TET2: variants seen among roughly 807,000 people sequenced by gnomAD.
The protein encoded by TET2 is tet methylcytosine dioxygenase 2.
Under a neutral mutation model 142.9 loss-of-function variants are expected in TET2, and 299 were observed. The observed-to-expected ratio is 2.09, with a 90% CI of 1.90 to 2.30. The LOEUF is 2.30. Among genes scored for constraint, TET2 ranks in the 30% most tolerant of loss-of-function variants. TET2 has a pLI of 0.00. For synonymous variants in TET2, 819 were observed against 849.0 expected (o/e 0.96, Z 0.61); for missense variants, 2,418 against 2,378.0 (o/e 1.02, Z -0.35).
intron 2 of TET2, among the ~76,000 whole-genome samples, chr4:105,201,060 T>G (rs1258083663): frequency 6.6e-6 from 1 of 152,206 alleles, no homozygotes; most frequent in Non-Finnish European, 1.5e-5. Flanking sequence ...CTTGAGATTA[T>G]TACATCTTGA....
intron 2 of TET2, among the ~76,000 whole-genome samples, chr4:105,217,337 T>G (rs1727556786): frequency 6.6e-6 from 1 of 152,096 alleles, no homozygotes; most frequent in Non-Finnish European, 1.5e-5. Flanking sequence ...CTTGCATAGG[T>G]ATGTGTCCTT....
chr4:105,217,193 T>C (rs1226151939), intron 2 of TET2, among the ~76,000 whole-genome samples: 1 of 151,928 alleles, frequency 6.6e-6, no homozygotes, highest in Admixed American at 6.6e-5. Flanking sequence ...TCTGTTTAGC[T>C]CATGGTGAAA....
chr4:105,184,304 A>G (rs1725295906), intron 1 of TET2, among the ~76,000 whole-genome samples: 1 of 152,340 alleles, frequency 6.6e-6, no homozygotes, highest in South Asian at 2.1e-4. Context: ...TTGTGAATTT[A>G]TACCTGTACC....
At chr4:105,176,170 A>G (rs181681239) in intron 1 of TET2, among the ~76,000 whole-genome samples, 6 of 152,314 alleles carry the variant, frequency 3.9e-5, no homozygotes, top group East Asian at 1.9e-4. Flanking sequence ...AAAATACACA[A>G]AAAACCTACA....
At chr4:105,232,866 A>G (rs544952501) in intron 2 of TET2, among the ~76,000 whole-genome samples, 1 of 152,286 alleles carries the variant, frequency 6.6e-6, no homozygotes, top group South Asian at 2.1e-4. Context: ...CATCACCCCT[A>G]TTCTGTCACC....
chr4:105,247,048 G>A (rs565995459), intron 6 of TET2, among the ~76,000 whole-genome samples: 39 of 152,248 alleles, frequency 2.6e-4, no homozygotes, highest in Non-Finnish European at 5.1e-4. Context: ...CATGGTGGGT[G>A]ATGTTAAACA....
intron 9 of TET2, among the ~76,000 whole-genome samples, chr4:105,271,239 C>G (rs900411343): frequency 1.3e-5 from 2 of 152,136 alleles, no homozygotes; most frequent in Non-Finnish European, 2.9e-5. Flanking sequence ...TCCAGAAGAA[C>G]AAACACAAGG....
intron 1 of TET2, among the ~76,000 whole-genome samples, chr4:105,151,062 G>C (rs1334547788): frequency 6.6e-6 from 1 of 152,138 alleles, no homozygotes; most frequent in Admixed American, 6.6e-5. Context: ...ACTCATGCCT[G>C]TAATCCTAGC....
chr4:105,203,409 C>T (rs1726593005), intron 2 of TET2, among the ~76,000 whole-genome samples: 1 of 152,142 alleles, frequency 6.6e-6, no homozygotes, highest in Admixed American at 6.5e-5. Flanking sequence ...TAAAAATGTT[C>T]TAAACAGTAC....
chr4:105,217,135 T>G (rs1327912941), intron 2 of TET2, among the ~76,000 whole-genome samples: 1 of 151,974 alleles, frequency 6.6e-6, no homozygotes, highest in Non-Finnish European at 1.5e-5. Flanking sequence ...CCAAATTATA[T>G]CCTATGAACA....
chr4:105,147,545 A>G (rs113215479), intron 1 of TET2: 2,111 of 150,860 alleles, frequency 0.014, 31 homozygotes, highest in Middle Eastern at 0.059. Flanking sequence ...TGAATGTCAC[A>G]GGGAGTGGAA....
intron 3 of TET2, 111 bp downstream of exon 3, chr4:105,237,462 T>G: frequency 6.2e-7 from 1 of 1,612,070 alleles, no homozygotes. Flanking sequence ...GGCAGCAATT[T>G]GTAAAGGCTC....
At chr4:105,173,664 C>A (rs566441771) in intron 1 of TET2, among the ~76,000 whole-genome samples, 1 of 152,236 alleles carries the variant, frequency 6.6e-6, no homozygotes, top group Admixed American at 6.5e-5. Context: ...AAGGTGATGA[C>A]ATGAGGAAAA....
At chr4:105,220,009 C>T (rs1174174991) in intron 2 of TET2, among the ~76,000 whole-genome samples, 3 of 152,098 alleles carry the variant, frequency 2.0e-5, no homozygotes, top group African/African-American at 7.2e-5. Context: ...GAGTATTTAT[C>T]TCTTTTGTTC....
At chr4:105,216,497 T>C (rs1727502931) in intron 2 of TET2, among the ~76,000 whole-genome samples, 1 of 152,016 alleles carries the variant, frequency 6.6e-6, no homozygotes. Context: ...TTTTTTATAC[T>C]CCTAAAAGAT....
At chr4:105,185,407 T>C (rs1347144863) in intron 1 of TET2, among the ~76,000 whole-genome samples, 1 of 152,224 alleles carries the variant, frequency 6.6e-6, no homozygotes, top group Admixed American at 6.5e-5. Context: ...ATCCATTCAA[T>C]AAATTTTAGC....
chr4:105,218,398 A>G (rs973755002), intron 2 of TET2, among the ~76,000 whole-genome samples: 5 of 151,952 alleles, frequency 3.3e-5, no homozygotes, highest in African/African-American at 1.2e-4. Context: ...TTTTATATCT[A>G]CTTCTTCCTC....
rs1440065642 is a variant in TET2 at position 105,278,931 on chromosome 4, A to G, written c.*2412A>G. The stretch of plus-strand genomic sequence containing the variant: ...CACCTACAGGTATGGTGTGCAACAG[A>G]TTGTACAATTACATTTTGGCCTAAA... On this transcript the variant is annotated 3_prime_UTR_variant, in exon 11 of 11. Coordinates refer to ENST00000380013, the MANE Select transcript of TET2 (RefSeq NM_001127208.3). 1.7e-5 allele frequency: 4 copies of G among 232,816 alleles called. No individual in the cohort carries two copies. The allele number at this position is 232,816 out of a possible 1,614,324, so 14.4% of individuals were successfully genotyped here.
In TET2 at chr4:105,189,198, G is replaced by T. The variant is rs915338272; in HGVS notation, c.-192-1162G>T. Among the ~76,000 whole-genome samples the T allele has an allele frequency of 2.7e-5, 4 of 150,630 alleles. No individual in the cohort carries two copies. The Admixed American group carries it at 2.7e-4, about 10-fold the overall frequency. On this transcript the variant is annotated intron_variant, in intron 1 of 10. Transcript: ENST00000380013. Reference sequence around the variant, plus strand: ...GTAAAATGGGAATAATAATAATGATGATAATGATAATAATAATGATCTTAC... The same window carrying T: ...GTAAAATGGGAATAATAATAATGATTATAATGATAATAATAATGATCTTAC...
Sources: allele counts gnomAD v4.1 joint callset (sites outside exome capture counted in the v4.1 genomes callset), GRCh38; gene constraint gnomAD v4.1.1; transcripts MANE v1.5; gene names NCBI Gene and HGNC (gene_info 2026-07-23, HGNC 2026-07-21).